TSLP: variants seen among roughly 807,000 people sequenced by gnomAD.
The protein encoded by TSLP is thymic stromal lymphopoietin, also known as thymic stroma-derived lymphopoietin.
TSLP carries 12 observed loss-of-function variants against 12.4 expected under a neutral mutation model. The ratio of observed to expected loss-of-function variants is 0.97; its 90% CI spans 0.62 to 1.57. The LOEUF is 1.57. Ranked by LOEUF, TSLP falls within the 40% of genes most tolerant of loss-of-function variation. The pLI is 0.00. For synonymous variants in TSLP, 97 were observed against 69.5 expected, an observed-to-expected ratio of 1.40 and a Z score of -1.97; for missense variants, 222 against 189.6, an observed-to-expected ratio of 1.17 and a Z score of -1.00.
At chr5:111,071,313 C>A, upstream of TSLP, 1 of 837,050 alleles carries the variant, frequency 1.2e-6, no homozygotes, top group Non-Finnish European at 1.7e-6. Context: ...AAAGTGGCCA[C>A]AGGAAATGCT....
At position 111,076,208 on chromosome 5, in the gene TSLP, T is replaced by A; in HGVS notation, c.*134T>A. ...TTAATTACAGAAGAGTTTCTTAACT[T>A]ACTTTTGTAAGTTTTTATTGTGTAA... On this transcript the variant is annotated 3_prime_UTR_variant, in exon 4 of 4. Coordinates refer to ENST00000344895, the MANE Select transcript of TSLP (RefSeq NM_033035.5). The A allele has an allele frequency of 9.1e-7, 1 of 1,094,476 alleles. No individual in the cohort carries two copies. The highest frequency in any genetic ancestry group is 1.3e-6 in the Non-Finnish European group (1 of 754,072). The allele number at this position is 1,094,476 out of a possible 1,614,324, so 67.8% of individuals were successfully genotyped here. A position where few individuals can be genotyped will look rare whatever the true frequency, so the allele number is the denominator to read the frequency against.
rs550711691 is a variant in TSLP at position 111,076,080 on chromosome 5, C to T, written c.*6C>T. 1.2e-5 allele frequency: 20 copies of T among 1,613,696 alleles called. No individual in the cohort carries two copies. The highest frequency in any genetic ancestry group is 8.9e-5 in the East Asian group (4 of 44,848). ...CTTTACTGAAACAACAGTAAACCATCTTTATTATGGTCATATTTCACAGCA... is the reference window on the plus strand; with the variant it reads ...CTTTACTGAAACAACAGTAAACCATTTTTATTATGGTCATATTTCACAGCA... On this transcript the variant is annotated 3_prime_UTR_variant, in exon 4 of 4. Coordinates refer to ENST00000344895, the MANE Select transcript of TSLP (RefSeq NM_033035.5).
upstream of TSLP, chr5:111,071,647 T>G: frequency 7.0e-7 from 1 of 1,434,786 alleles, no homozygotes; most frequent in Non-Finnish European, 9.2e-7. Flanking sequence ...AGAAAATCAT[T>G]GGCCTAGGAG....
chr5:111,071,529 T>C, upstream of TSLP: 1 of 1,547,930 alleles, frequency 6.5e-7, no homozygotes, highest in Non-Finnish European at 8.7e-7. Context: ...TGAGGGAAAT[T>C]CCTGATGACT....
chr5:111,071,471 G>C, upstream of TSLP: 3 of 1,543,932 alleles, frequency 1.9e-6, no homozygotes, highest in Non-Finnish European at 2.6e-6. Context: ...TTTCTTAAAG[G>C]ACATTCACAC....
At chr5:111,073,454 C>T in intron 2 of TSLP, 57 bp from the exon 3 acceptor site, 1 of 1,609,452 alleles carries the variant, frequency 6.2e-7, no homozygotes, top group South Asian at 1.1e-5. Flanking sequence ...TTCTCACCAA[C>T]TCTTTCTCTC....
rs1012470576 is a variant in TSLP, at chr5:111,077,855, C to A, written c.*1781C>A. ...TACACTGTCAATTAAAAGTAATGGG[C>A]AAGAGATTGCATCATACTAATTTAG... On this transcript the variant is annotated 3_prime_UTR_variant, in exon 4 of 4. Transcript: ENST00000344895. 18 of 152,418 alleles carry A rather than the reference C, an allele frequency of 1.2e-4. No individual in the cohort carries two copies. The highest frequency in any genetic ancestry group is 1.1e-3 in the Admixed American group (17 of 15,248). The allele number at this position is 152,418 out of a possible 1,614,324, so 9.4% of individuals were successfully genotyped here.
upstream of TSLP, chr5:111,070,319 TCACA>T: frequency 6.6e-6 from 1 of 152,238 alleles, no homozygotes; most frequent in African/African-American, 2.4e-5. Context: ...TTGCTGGGAC[TCACA>T]CACGGCGTCC....
In TSLP at chr5:111,073,580, G is replaced by T; in HGVS notation, c.286G>T (p.Glu96Ter). ...PTAGCASLAK[E>*]MFAMKTKAAL... ...CGCCGGCTGCGCGTCGCTCGCCAAA[G>T]AAATGTTCGCCATGAAAACTAAGGC... The change falls in exon 3 of 4, where the codon GAA becomes TAA. Residue 96 changes from glutamate to a stop codon, truncating the protein, a stop_gained. Coordinates refer to ENST00000344895, the MANE Select transcript of TSLP (RefSeq NM_033035.5). LOFTEE classifies it high-confidence loss of function. 1.2e-6 allele frequency: 2 copies of T among 1,614,182 alleles called. No homozygotes were observed. The highest frequency in any genetic ancestry group is 1.7e-6 in the Non-Finnish European group (2 of 1,180,032).
At chr5:111,072,803 AG>A in intron 1 of TSLP, 84 bp from the exon 2 acceptor site, 3 of 1,417,756 alleles carry the variant, frequency 2.1e-6, no homozygotes, top group Admixed American at 3.4e-5. Context: ...GCACCTTTAA[AG>A]CCTGGGAGCA....
chr5:111,071,819 G>C lies in TSLP; in HGVS notation c.-72G>C. The C allele has an allele frequency of 3.2e-6, 5 of 1,552,612 alleles. No homozygotes were observed. Among genetic ancestry groups the C allele is most frequent in the Non-Finnish European group, 3.5e-6 (4 of 1,139,816 alleles). ...GCTTGAGCACTGGCCCCTAAGGCAGGCCTTACAGATCTCTTACACTCGTGG... is the reference window on the plus strand; with the variant it reads ...GCTTGAGCACTGGCCCCTAAGGCAGCCCTTACAGATCTCTTACACTCGTGG... On this transcript the variant is annotated 5_prime_UTR_variant, in exon 1 of 4. Coordinates refer to ENST00000344895, the MANE Select transcript of TSLP (RefSeq NM_033035.5).
Position 111,077,839 on chromosome 5 carries a change from A to G in TSLP, c.*1765A>G, listed in dbSNP as rs1007223414. The G allele has an allele frequency of 1.3e-5, 2 of 152,598 alleles. No homozygotes were observed. The highest frequency in any genetic ancestry group is 4.8e-5 in the African/African-American group (2 of 41,446). The allele number at this position is 152,598 out of a possible 1,614,324, so 9.5% of individuals were successfully genotyped here. ...AATTAGTCATTTAAATTACACTGTC[A>G]ATTAAAAGTAATGGGCAAGAGATTG... On this transcript the variant is annotated 3_prime_UTR_variant, in exon 4 of 4. Coordinates refer to ENST00000344895, the MANE Select transcript of TSLP (RefSeq NM_033035.5).
In TSLP at chr5:111,076,686, A is replaced by G; in HGVS notation, c.*612A>G. 1 of 152,376 alleles carries G rather than the reference A, an allele frequency of 6.6e-6. No homozygotes were observed. The highest frequency in any genetic ancestry group is 1.5e-5 in the Non-Finnish European group (1 of 68,036). The allele number at this position is 152,376 out of a possible 1,614,324, so 9.4% of individuals were successfully genotyped here. A position where few individuals can be genotyped will look rare whatever the true frequency, so the allele number is the denominator to read the frequency against. On this transcript the variant is annotated 3_prime_UTR_variant, in exon 4 of 4. Coordinates refer to ENST00000344895, the MANE Select transcript of TSLP (RefSeq NM_033035.5). ...TGTTACAGCTACTATAAATATACAT[A>G]TAAATTATAGAATCTACTTTAATTT...
chr5:111,073,737 T>G, intron 3 of TSLP, 92 bp downstream of exon 3: 1 of 1,423,290 alleles, frequency 7.0e-7, no homozygotes, highest in South Asian at 1.3e-5. Flanking sequence ...CTTATTTTTA[T>G]TTAGGTTTTA....
At chr5:111,070,994 C>T (rs1252607228), upstream of TSLP, 2 of 153,610 alleles carry the variant, frequency 1.3e-5, no homozygotes, top group East Asian at 3.8e-4. Flanking sequence ...AAGTTCTTGA[C>T]ACCTGCTAGA....
chr5:111,074,997 A>G (rs937963663), intron 3 of TSLP, among the ~76,000 whole-genome samples: 2 of 152,182 alleles, frequency 1.3e-5, no homozygotes, highest in Non-Finnish European at 2.9e-5. Context: ...ACTCAATACC[A>G]GACAGCCATA....
chr5:111,074,386 A>G (rs192805527), intron 3 of TSLP, among the ~76,000 whole-genome samples: 2 of 152,310 alleles, frequency 1.3e-5, no homozygotes, highest in East Asian at 1.9e-4. Flanking sequence ...GTATCATATC[A>G]GTTAGTCTTA....
Position 111,077,965 on chromosome 5 carries a change from A to G in TSLP, c.*1891A>G, listed in dbSNP as rs988998608. On this transcript the variant is annotated 3_prime_UTR_variant, in exon 4 of 4. Transcript: ENST00000344895. The stretch of plus-strand genomic sequence containing the variant: ...ATTGAGGCTTTCTTGGTGGACTAGT[A>G]TAGTATACGGTCAGTTATGTCAATG... The G allele has an allele frequency of 6.5e-6, 1 of 152,732 alleles. No homozygotes were observed. The allele number at this position is 152,732 out of a possible 1,614,324, so 9.5% of individuals were successfully genotyped here.
Position 111,071,770 on chromosome 5 carries a change from T to C in TSLP, c.-121T>C. 7.5e-7 allele frequency: 1 copy of C among 1,325,690 alleles called. No homozygotes were observed. The highest frequency in any genetic ancestry group is 2.0e-4 in the Middle Eastern group (1 of 4,962). 82.1% of individuals were successfully genotyped at this position (1,325,690 alleles called of 1,614,324 possible). ...GGGTGAATAAGGGCTTCCTGTGGAC[T>C]GGCAATGAGAGGCAAAACCTGGTGC... On this transcript the variant is annotated 5_prime_UTR_variant, in exon 1 of 4. Coordinates refer to ENST00000344895, the MANE Select transcript of TSLP (RefSeq NM_033035.5).
Sources: allele counts gnomAD v4.1 joint callset (sites outside exome capture counted in the v4.1 genomes callset), GRCh38; gene constraint gnomAD v4.1.1; transcripts MANE v1.5; gene names NCBI Gene and HGNC (gene_info 2026-07-23, HGNC 2026-07-21).